SEC14L1: variants seen among roughly 807,000 people sequenced by gnomAD.
The protein encoded by SEC14L1 is SEC14-like protein 1.
A neutral mutation model predicts 85.3 loss-of-function variants in SEC14L1; 48 were observed. That is an observed-to-expected ratio of 0.56 (90% confidence interval 0.45 to 0.72). The LOEUF (loss-of-function observed/expected upper bound fraction) is 0.72, where lower values mean the gene tolerates loss of function less well. Ranked by LOEUF, SEC14L1 falls within the 30% of genes least tolerant of loss-of-function variation. The probability of loss-of-function intolerance (pLI) is 0.00; values close to 1 mark genes in which losing one functional copy is unlikely to be tolerated. For synonymous variants in SEC14L1, 391 were observed against 355.5 expected (o/e 1.10, Z -1.12); for missense variants, 682 against 921.4 (o/e 0.74, Z 3.36).
intron 8 of SEC14L1, among the ~76,000 whole-genome samples, chr17:77,198,730 C>T (rs543186321): frequency 1.3e-5 from 2 of 151,982 alleles, no homozygotes; most frequent in East Asian, 1.9e-4. Flanking sequence ...CCCGCCACCA[C>T]GCCCAGATAA....
At chr17:77,156,569 C>T (rs1183936388) in intron 3 of SEC14L1, among the ~76,000 whole-genome samples, 3 of 148,428 alleles carry the variant, frequency 2.0e-5, no homozygotes, top group South Asian at 4.3e-4. Flanking sequence ...AGCGAGACTC[C>T]GTCTTAAAAA....
At chr17:77,154,242 G>A (rs1443531893) in intron 3 of SEC14L1, among the ~76,000 whole-genome samples, 11 of 152,208 alleles carry the variant, frequency 7.2e-5, no homozygotes, top group South Asian at 2.1e-4. Context: ...AGGCCAAGGC[G>A]GGAGAATCAC....
intron 3 of SEC14L1, among the ~76,000 whole-genome samples, chr17:77,106,404 C>G (rs1405027702): frequency 6.6e-6 from 1 of 151,964 alleles, no homozygotes; most frequent in African/African-American, 2.4e-5. Flanking sequence ...TGGTGGCACG[C>G]ACCTGAAGTC....
intron 3 of SEC14L1, among the ~76,000 whole-genome samples, chr17:77,135,523 TCTTC>T (rs1264550580): frequency 6.6e-6 from 1 of 152,160 alleles, no homozygotes; most frequent in African/African-American, 2.4e-5. Flanking sequence ...TCTTTCTTTG[TCTTC>T]CTTCCTTCCT....
intron 3 of SEC14L1, among the ~76,000 whole-genome samples, chr17:77,147,601 G>T (rs144025299): frequency 1.8e-3 from 271 of 152,292 alleles, no homozygotes; most frequent in African/African-American, 6.1e-3. Flanking sequence ...TACACAGGTA[G>T]TGCCGAGATC....
chr17:77,105,512 A>C (rs1219736460), intron 3 of SEC14L1, among the ~76,000 whole-genome samples: 1 of 152,068 alleles, frequency 6.6e-6, no homozygotes, highest in Non-Finnish European at 1.5e-5. Flanking sequence ...CATGTTTTAG[A>C]GAACATTCAG....
At chr17:77,124,134 C>T (rs1972375409) in intron 3 of SEC14L1, among the ~76,000 whole-genome samples, 1 of 152,058 alleles carries the variant, frequency 6.6e-6, no homozygotes, top group Non-Finnish European at 1.5e-5. Context: ...GAGGCCAAGG[C>T]AGGTGGATCA....
intron 3 of SEC14L1, among the ~76,000 whole-genome samples, chr17:77,100,377 C>T (rs141444338): frequency 2.7e-5 from 4 of 149,576 alleles, no homozygotes; most frequent in African/African-American, 9.8e-5. Context: ...ATTTCCCCTT[C>T]CTTGGCTGGC....
chr17:77,158,369 C>G (rs557959482), intron 3 of SEC14L1, among the ~76,000 whole-genome samples: 1 of 152,332 alleles, frequency 6.6e-6, no homozygotes, highest in South Asian at 2.1e-4. Flanking sequence ...CTTTCTGTCC[C>G]TATAAATTTG....
Position 77,147,645 on chromosome 17 carries a change from A to G in SEC14L1, c.63+3986A>G, listed in dbSNP as rs560237428. ...GAGTTTAGTGTTCTTTTCTCATACT[A>G]TGCTTCTTCCTTCTACCCAGGGATG... On this transcript the variant is annotated intron_variant, in intron 3 of 16. Coordinates refer to ENST00000436233, the MANE Select transcript of SEC14L1 (RefSeq NM_001143998.2). Among the ~76,000 whole-genome samples, 5 of 152,190 alleles carry G rather than the reference A, an allele frequency of 3.3e-5. No homozygotes were observed. In the South Asian group the frequency reaches 8.3e-4, roughly 25 times the overall value.
At chr17:77,167,936 G>C (rs1002009576) in intron 3 of SEC14L1, among the ~76,000 whole-genome samples, 4 of 152,222 alleles carry the variant, frequency 2.6e-5, no homozygotes, top group Admixed American at 2.0e-4. Flanking sequence ...ACAACCGCAA[G>C]AGTACACCGA....
chr17:77,186,289 C>T (rs1175288502), intron 3 of SEC14L1, among the ~76,000 whole-genome samples: 1 of 152,170 alleles, frequency 6.6e-6, no homozygotes, highest in African/African-American at 2.4e-5. Context: ...TGGGTCCTGC[C>T]GCCACCTGAG....
At chr17:77,141,574 A>G (rs1423345797) in intron 1 of SEC14L1, 1 of 152,058 alleles carries the variant, frequency 6.6e-6, no homozygotes, top group African/African-American at 2.4e-5. Flanking sequence ...TTAAACAGCG[A>G]TTGTCATGCA....
chr17:77,113,364 T>G (rs1344634463), intron 3 of SEC14L1, among the ~76,000 whole-genome samples: 1 of 152,174 alleles, frequency 6.6e-6, no homozygotes, highest in Non-Finnish European at 1.5e-5. Context: ...TTCTCACCTC[T>G]GCCTTCCCAG....
chr17:77,135,486 CTCTT>C lies in SEC14L1; in HGVS notation c.-135-7158_-135-7155del, dbSNP rs891243949. 5.3e-5 allele frequency among the ~76,000 whole-genome samples: 8 copies of C among 152,090 alleles called. No homozygotes were observed. In the East Asian group the frequency reaches 7.7e-4, roughly 15 times the overall value. On this transcript the variant is annotated intron_variant, in intron 3 of 19. Transcript: ENST00000392476. ...GTTTATTCTGTAATTCTTTCTTTCT[CTCTT>C]TGTCTTTCTCTCTTTCTTTCTCTCT...
chr17:77,106,889 G>A lies in SEC14L1; in HGVS notation c.-136+13542G>A, dbSNP rs551133799. Among the ~76,000 whole-genome samples, 9 of 152,268 alleles carry A rather than the reference G, an allele frequency of 5.9e-5. No individual in the cohort carries two copies. In the South Asian group the frequency reaches 1.7e-3, roughly 28 times the overall value. ...GGTTCTCAGGAGAGAAATAGGCTGCGTTCTCCTTCTCCAGCCCCGGGCTTT... is the reference window on the plus strand; with the variant it reads ...GGTTCTCAGGAGAGAAATAGGCTGCATTCTCCTTCTCCAGCCCCGGGCTTT... On this transcript the variant is annotated intron_variant, in intron 3 of 19. Transcript: ENST00000392476.
chr17:77,133,709 C>T (rs866679935), intron 3 of SEC14L1, among the ~76,000 whole-genome samples: 2 of 151,930 alleles, frequency 1.3e-5, no homozygotes, highest in African/African-American at 4.8e-5. Context: ...GAGGCCGAGG[C>T]GGGTGGATCA....
chr17:77,102,777 T>C (rs1204255808), intron 3 of SEC14L1, among the ~76,000 whole-genome samples: 1 of 152,140 alleles, frequency 6.6e-6, no homozygotes, highest in Admixed American at 6.5e-5. Flanking sequence ...GTGCTGGGAT[T>C]ACAAGCATAA....
chr17:77,151,305 A>T (rs1973544791), intron 3 of SEC14L1, among the ~76,000 whole-genome samples: 1 of 152,098 alleles, frequency 6.6e-6, no homozygotes. Flanking sequence ...GTCCTATTGC[A>T]TTTCATCAAA....
Sources: gnomAD v4.1 joint callset for allele counts (sites outside exome capture counted in the v4.1 genomes callset) on GRCh38, gnomAD v4.1.1 for gene constraint, MANE v1.5 for transcripts, NCBI Gene and HGNC (gene_info 2026-07-23, HGNC 2026-07-21) for gene names.